The following SUPT16H variants were observed in gnomAD, a reference collection of about 807,000 sequenced individuals.
SUPT16H encodes SPT16 homolog, facilitates chromatin remodeling subunit, also known as FACT complex subunit SPT16.
SUPT16H carries 24 observed loss-of-function variants against 136.2 expected under a neutral mutation model. That is an observed-to-expected ratio of 0.18 (90% CI 0.13 to 0.25). The LOEUF (loss-of-function observed/expected upper bound fraction) is 0.25. Among genes scored for constraint, SUPT16H ranks in the 10% least tolerant of loss-of-function variants. The pLI, the probability that SUPT16H is intolerant of heterozygous loss-of-function variation, is 1.00. For missense variants in SUPT16H, 623 were observed against 1,270.2 expected, an observed-to-expected ratio of 0.49 and a Z score of 7.74; for synonymous variants, 415 against 428.2, an observed-to-expected ratio of 0.97 and a Z score of 0.38.
At chr14:21,375,339 C>T (rs1349447677) in intron 1 of SUPT16H, among the ~76,000 whole-genome samples, 1 of 152,088 alleles carries the variant, frequency 6.6e-6, no homozygotes, top group Non-Finnish European at 1.5e-5. Context: ...GATTTCATTT[C>T]TCTGATAGCT....
Position 21,370,603 on chromosome 14 carries a change from C to G in SUPT16H, c.331-115G>C, listed in dbSNP as rs1886765271. 7.1e-6 allele frequency: 8 copies of G among 1,131,420 alleles called. No individual in the cohort carries two copies. The South Asian group carries it at 1.2e-4, about 17-fold the overall frequency. 70.1% of individuals were successfully genotyped at this position (1,131,420 alleles called of 1,614,324 possible). On this transcript the variant is annotated intron_variant, in intron 3 of 25. Transcript: ENST00000216297. ...CTACGGAAAAAATTAATTCTCCTCC[C>G]ATCCCCACCTACTTTTTACTTTTAA... is the stretch of plus-strand genomic sequence containing the variant.
intron 1 of SUPT16H, among the ~76,000 whole-genome samples, chr14:21,377,076 G>GA (rs11323425): frequency 5.1e-4 from 57 of 110,778 alleles, no homozygotes; most frequent in Admixed American, 1.2e-3. Context: ...GAAAGAAAAA[G>GA]AAAAAAAAAA....
At chr14:21,365,203 T>C (rs1014014425) in intron 8 of SUPT16H, 60 bp from the exon 9 acceptor site, 3 of 1,458,042 alleles carry the variant, frequency 2.1e-6, no homozygotes, top group African/African-American at 2.8e-5. Flanking sequence ...GGATCAAGCA[T>C]AACATATTCA....
At chr14:21,365,169 CA>C (rs757903013) in intron 8 of SUPT16H, 26 bp from the exon 9 acceptor site, 1 of 1,600,922 alleles carries the variant, frequency 6.2e-7, no homozygotes, top group Non-Finnish European at 8.6e-7. Flanking sequence ...TAAACATCAG[CA>C]AAAGGCTAAA....
chr14:21,376,800 G>A (rs1886911360), intron 1 of SUPT16H, among the ~76,000 whole-genome samples: 1 of 152,174 alleles, frequency 6.6e-6, no homozygotes. Context: ...AATATTCTAT[G>A]TAAAGAAATA....
chr14:21,375,898 A>C (rs1360749667), intron 1 of SUPT16H, among the ~76,000 whole-genome samples: 2 of 152,064 alleles, frequency 1.3e-5, no homozygotes, highest in Non-Finnish European at 2.9e-5. Flanking sequence ...TGGCCTATCT[A>C]TTTTCTTGTG....
At chr14:21,373,980 G>A (rs368114479) in intron 1 of SUPT16H, among the ~76,000 whole-genome samples, 44 of 152,194 alleles carry the variant, frequency 2.9e-4, no homozygotes, top group East Asian at 9.6e-4. Context: ...CACCTGCTTC[G>A]GTCTCCCAAA....
In SUPT16H at chr14:21,357,988, G is replaced by T; in HGVS notation, c.2429C>A (p.Pro810His). ...PFRDLGFNGA[P>H]YRSTCLLQPT... The stretch of plus-strand genomic sequence containing the variant: ...CTGAAGGAGGCAGGTACTCCTATAG[G>T]GAGCTCCGTTAAATCTGGAAGAGAC... The change falls in exon 21 of 26, where the codon CCC becomes CAC. Residue 810 changes from proline to histidine, a missense_variant. By Grantham distance (77) the Pro-to-His change is moderately conservative. Transcript: ENST00000216297. 1 of 1,613,548 alleles carries T rather than the reference G, an allele frequency of 6.2e-7. No homozygotes were observed. Among genetic ancestry groups the T allele is most frequent in the Non-Finnish European group, 8.5e-7 (1 of 1,179,724 alleles).
At position 21,362,799 on chromosome 14, in the gene SUPT16H, T is replaced by C. The variant is rs758986272; in HGVS notation, c.1660A>G (p.Ile554Val). Reference sequence around the variant, plus strand: ...GATGCACTGAATGTCAGTACCTTGATTGTGGCAATGTGAAACGGTGTTGCA... The same window carrying C: ...GATGCACTGAATGTCAGTACCTTGACTGTGGCAATGTGAAACGGTGTTGCA... Reference protein sequence around the residue: ...GIATPFHIATIKNISMSVEGD... With the variant: ...GIATPFHIATVKNISMSVEGD... The change falls in exon 14 of 26, where the codon ATC (isoleucine) becomes GTC (valine). Residue 554 changes from isoleucine (I) to valine (V), a missense_variant. By Grantham distance (29) the Ile-to-Val change is conservative (BLOSUM62 3). Around this residue, in one of 7 missense-constraint regions of SUPT16H, gnomAD observed 62 missense variants for 200.5 expected, o/e 0.31. Transcript: ENST00000216297. The C allele has an allele frequency of 4.4e-6, 7 of 1,603,144 alleles. No individual in the cohort carries two copies. Among genetic ancestry groups the C allele is most frequent in the East Asian group, 4.5e-5 (2 of 44,866 alleles).
At chr14:21,355,726 G>A (rs1474153743) in intron 22 of SUPT16H, among the ~76,000 whole-genome samples, 4 of 151,872 alleles carry the variant, frequency 2.6e-5, no homozygotes, top group Non-Finnish European at 5.9e-5. Flanking sequence ...TGTTGAGGAG[G>A]GCTGAATCAG....
intron 1 of SUPT16H, among the ~76,000 whole-genome samples, chr14:21,374,663 T>G (rs1213898802): frequency 6.6e-6 from 1 of 152,232 alleles, no homozygotes; most frequent in African/African-American, 2.4e-5. Flanking sequence ...AACACTTCAT[T>G]CCCTTTTACT....
At chr14:21,357,881 T>TTG (rs777753055) in intron 21 of SUPT16H, 46 bp downstream of exon 21, 5 of 1,563,064 alleles carry the variant, frequency 3.2e-6, no homozygotes, top group Middle Eastern at 3.4e-4. Flanking sequence ...TCCTTCTTTA[T>TTG]TTTCTCTAAC....
chr14:21,372,282 C>A, intron 2 of SUPT16H: 2 of 457,368 alleles, frequency 4.4e-6, no homozygotes, highest in Admixed American at 4.0e-5. Flanking sequence ...TATGCTTGAA[C>A]TTTCTATAAT....
chr14:21,375,633 C>T (rs576042489), intron 1 of SUPT16H, among the ~76,000 whole-genome samples: 2 of 151,992 alleles, frequency 1.3e-5, no homozygotes, highest in African/African-American at 4.8e-5. Flanking sequence ...TCACTCTATC[C>T]CCCAGGCTGG....
chr14:21,357,550 C>T (rs1826463479), intron 21 of SUPT16H, among the ~76,000 whole-genome samples, 184 bp from the exon 22 acceptor site: 1 of 150,542 alleles, frequency 6.6e-6, no homozygotes, highest in African/African-American at 2.4e-5. Flanking sequence ...CTGCAAGATA[C>T]AAAAATCATC....
intron 8 of SUPT16H, among the ~76,000 whole-genome samples, chr14:21,366,183 C>G (rs1016376080): frequency 4.6e-5 from 7 of 152,146 alleles, no homozygotes; most frequent in Non-Finnish European, 8.8e-5. Flanking sequence ...GATAATATTT[C>G]CTAACATCTG....
intron 25 of SUPT16H, among the ~76,000 whole-genome samples, 197 bp from the exon 26 acceptor site, chr14:21,353,015 T>A (rs1005072914): frequency 6.6e-6 from 1 of 152,234 alleles, no homozygotes; most frequent in African/African-American, 2.4e-5. Context: ...CTATGAAAAC[T>A]ACCTATTCCC....
intron 10 of SUPT16H, among the ~76,000 whole-genome samples, chr14:21,364,369 GA>G (rs1316617114): frequency 1.3e-5 from 2 of 152,070 alleles, no homozygotes; most frequent in Non-Finnish European, 2.9e-5. Flanking sequence ...TGGGGGAAGG[GA>G]AGGGGGATGG....
intron 1 of SUPT16H, chr14:21,383,496 C>G (rs550450603): frequency 1.6e-6 from 1 of 609,706 alleles, no homozygotes; most frequent in Non-Finnish European, 2.9e-6. Context: ...TATTGTGGTT[C>G]TGGAGGGACA....
Sources: gnomAD v4.1 joint callset for allele counts (sites outside exome capture counted in the v4.1 genomes callset) on GRCh38, gnomAD v4.1.1 for gene constraint, gnomAD v4.1.1 regional missense constraint, MANE v1.5 for transcripts, NCBI Gene and HGNC (gene_info 2026-07-23, HGNC 2026-07-21) for gene names.